The following DCTN1 variants were observed in gnomAD, a reference collection of about 807,000 sequenced individuals.
DCTN1 encodes the protein 150 kDa dynein-associated polypeptide.
DCTN1 carries 61 observed loss-of-function variants against 161.2 expected under a neutral mutation model. That is an observed-to-expected ratio of 0.38 (90% confidence interval 0.31 to 0.47). The LOEUF is 0.47. Ranked by LOEUF, DCTN1 falls within the 20% of genes least tolerant of loss-of-function variation. The pLI is 0.99. For synonymous variants in DCTN1, 653 were observed against 632.4 expected, an observed-to-expected ratio of 1.03 and a Z score of -0.49; for missense variants, 1,404 against 1,623.7, an observed-to-expected ratio of 0.86 and a Z score of 2.33.
rs61601276 is a variant in DCTN1, at chr2:74,362,206, C to T, written c.3610-65G>A. On this transcript the variant is annotated intron_variant, in intron 30 of 31. Coordinates refer to ENST00000628224, the MANE Select transcript of DCTN1 (RefSeq NM_004082.5). ...ACCCCCACAGGCTAGCACAAGACCACGTGGTTTCACAGAGACACTAATACC... is the reference window on the plus strand; with the variant it reads ...ACCCCCACAGGCTAGCACAAGACCATGTGGTTTCACAGAGACACTAATACC... 11,378 of 1,472,970 alleles carry T rather than the reference C, an allele frequency of 7.7e-3. 745 individuals are homozygous for T. The African/African-American group carries it at 0.14, about 18-fold the overall frequency. 91.2% of individuals were successfully genotyped at this position (1,472,970 alleles called of 1,614,324 possible). A position where few individuals can be genotyped will look rare whatever the true frequency, so the allele number is the denominator to read the frequency against.
At position 74,369,045 on chromosome 2, in the gene DCTN1, C is replaced by T. The variant is rs977237461; in HGVS notation, c.1701+53G>A. 8.2e-6 allele frequency: 13 copies of T among 1,590,482 alleles called. No individual in the cohort carries two copies. The highest frequency in any genetic ancestry group is 1.3e-5 in the African/African-American group (1 of 74,418). On this transcript the variant is annotated intron_variant, in intron 15 of 31. Coordinates refer to ENST00000628224, the MANE Select transcript of DCTN1 (RefSeq NM_004082.5). The surrounding 1 kb of genome is among the most constrained non-coding windows in gnomAD (Gnocchi z 4.9). Reference sequence around the variant, plus strand: ...CCCCCAGGAATCTGAAGCCCAGACCCCATACCAGTTCATCCCAGGCAGGGC... The same window carrying T: ...CCCCCAGGAATCTGAAGCCCAGACCTCATACCAGTTCATCCCAGGCAGGGC...
rs933218016 is a variant in DCTN1, at chr2:74,365,662, A to T, written c.2887-5T>A. On this transcript the variant is annotated splice_region_variant and splice_polypyrimidine_tract_variant and intron_variant, in intron 24 of 31. Transcript: ENST00000628224. ...GGCCTCACTTAGCTCCTCTCCCTGGACAAGGACAGAACTTCTAGATCCCTG... is the reference window on the plus strand; with the variant it reads ...GGCCTCACTTAGCTCCTCTCCCTGGTCAAGGACAGAACTTCTAGATCCCTG... 1.9e-6 allele frequency: 3 copies of T among 1,614,074 alleles called. No individual in the cohort carries two copies. The African/African-American group carries it at 4.0e-5, about 22-fold the overall frequency.
rs776017204 is a variant in DCTN1 at position 74,371,527 on chromosome 2, C to G, written c.645+10G>C. The G allele has an allele frequency of 9.0e-6, 14 of 1,562,198 alleles. No individual in the cohort carries two copies. Among genetic ancestry groups the G allele is most frequent in the Non-Finnish European group, 1.1e-5 (13 of 1,153,524 alleles). On this transcript the variant is annotated intron_variant, in intron 8 of 31. Transcript: ENST00000628224. ...TCTTGATTCTCCTTTACCCCTACCC[C>G]AGGCCTTACCTTGGATGGGGAAGGA...
chr2:74,376,045 G>A (rs938101180), intron 5 of DCTN1, among the ~76,000 whole-genome samples: 2 of 152,168 alleles, frequency 1.3e-5, no homozygotes, highest in Non-Finnish European at 2.9e-5. Flanking sequence ...TTGAGGAAGT[G>A]GTCATGGCAG....
At chr2:74,383,224 T>G (rs193283535), upstream of DCTN1, among the ~76,000 whole-genome samples, 62 of 152,378 alleles carry the variant, frequency 4.1e-4, no homozygotes, top group East Asian at 0.011. Flanking sequence ...CTAGCTTAGC[T>G]GAAGTAACGA....
chr2:74,368,146 A>G lies in DCTN1; in HGVS notation c.1855-15T>C, dbSNP rs1558938936. 1.3e-6 allele frequency: 2 copies of G among 1,571,832 alleles called. No individual in the cohort carries two copies. Among genetic ancestry groups the G allele is most frequent in the Non-Finnish European group, 1.7e-6 (2 of 1,157,850 alleles). ...ATCAGCTCTGCCTGTGGGAAAAAGCACCAGGAACCTGGGCCTCAGAGCAGA... is the reference window on the plus strand; with the variant it reads ...ATCAGCTCTGCCTGTGGGAAAAAGCGCCAGGAACCTGGGCCTCAGAGCAGA... On this transcript the variant is annotated splice_polypyrimidine_tract_variant and intron_variant, in intron 16 of 31. Coordinates refer to ENST00000628224, the MANE Select transcript of DCTN1 (RefSeq NM_004082.5).
intron 1 of DCTN1, 72 bp downstream of exon 1, chr2:74,379,931 CAG>C: frequency 1.3e-6 from 2 of 1,486,590 alleles, no homozygotes; most frequent in Non-Finnish European, 1.9e-6. Flanking sequence ...CCAGCCCCCA[CAG>C]CAATGATGTC....
Position 74,363,370 on chromosome 2 carries a change from G to A in DCTN1, c.3269C>T (p.Ser1090Leu). The A allele has an allele frequency of 6.2e-7, 1 of 1,612,488 alleles. No individual in the cohort carries two copies. Among genetic ancestry groups the A allele is most frequent in the Non-Finnish European group, 8.5e-7 (1 of 1,179,476 alleles). Reference protein sequence around the residue: ...SVPGPGLVKDSPLLLQQISAM... With the variant: ...SVPGPGLVKDLPLLLQQISAM... ...AGAGATCTGCTGAAGCAGCAGTGGT[G>A]AGTCCTTCACCAGCCCTGGGCCTGG... is the stretch of plus-strand genomic sequence containing the variant. Residue 1090 changes from serine (S) to leucine (L), a missense_variant, in exon 28 of 32, where the codon TCA becomes TTA. Transcript: ENST00000628224.
At chr2:74,380,401 T>G (rs189175296), upstream of DCTN1, 240 of 505,482 alleles carry the variant, frequency 4.7e-4, 3 homozygotes, top group East Asian at 0.011. Flanking sequence ...AACTAAGGGC[T>G]GGGCATACGC....
At chr2:74,390,067 C>T (rs1447482241) in intron 1 of DCTN1, among the ~76,000 whole-genome samples, 2 of 152,190 alleles carry the variant, frequency 1.3e-5, no homozygotes, top group Non-Finnish European at 1.5e-5. Context: ...CATCTCTGCA[C>T]CAGTGTCAAC....
intron 31 of DCTN1, 99 bp downstream of exon 31, chr2:74,361,953 A>T: frequency 1.5e-6 from 2 of 1,300,384 alleles, no homozygotes; most frequent in Non-Finnish European, 2.2e-6. Flanking sequence ...TGCAGTTGTT[A>T]GACCTGAGAC....
At chr2:74,371,480 G>T in intron 8 of DCTN1, 57 bp downstream of exon 8, 1 of 1,502,700 alleles carries the variant, frequency 6.7e-7, no homozygotes, top group Admixed American at 2.0e-5. Flanking sequence ...AGACACAGCG[G>T]GTAGCCACAA....
Position 74,371,680 on chromosome 2 carries a change from C to A in DCTN1, c.502G>T (p.Gly168Cys). The A allele has an allele frequency of 6.2e-7, 1 of 1,605,362 alleles. No homozygotes were observed. Among genetic ancestry groups the A allele is most frequent in the Non-Finnish European group, 8.5e-7 (1 of 1,177,184 alleles). The change falls in exon 8 of 32, where the codon GGC (glycine) becomes TGC (cysteine). Residue 168 changes from glycine (G) to cysteine (C), a missense_variant. By Grantham distance (159) the Gly-to-Cys change is radical (BLOSUM62 -3). This residue lies in a region of DCTN1 where 174 missense variants were observed against 175.6 expected (regional missense o/e 0.99). Transcript: ENST00000628224. Reference sequence around the variant, plus strand: ...CCTGCTGACGCTGAGCCAGAGGGGCCCAGGGAGCTACTGGCCCCAGCCACC... The same window carrying A: ...CCTGCTGACGCTGAGCCAGAGGGGCACAGGGAGCTACTGGCCCCAGCCACC... ...TGVAGASSSL[G>C]PSGSASAGEL...
At chr2:74,384,715 G>C (rs184201228), upstream of DCTN1, among the ~76,000 whole-genome samples, 13 of 152,280 alleles carry the variant, frequency 8.5e-5, no homozygotes, top group Non-Finnish European at 1.8e-4. Context: ...TGGCACCCCA[G>C]CATCCTTTGA....
At chr2:74,373,034 G>A (rs1674981772) in intron 6 of DCTN1, 86 bp from the exon 7 acceptor site, 1 of 1,265,104 alleles carries the variant, frequency 7.9e-7, no homozygotes, top group Non-Finnish European at 1.1e-6. Context: ...GGACAGCAAT[G>A]AGAGCAGAAG....
intron 29 of DCTN1, 85 bp downstream of exon 29, chr2:74,362,909 G>T (rs1343752917): frequency 6.7e-7 from 1 of 1,492,564 alleles, no homozygotes; most frequent in East Asian, 2.3e-5. Context: ...CTTCTGTGGT[G>T]GGGGAACCAC....
chr2:74,391,843 C>A (rs1676023186), exon 1 of DCTN1: 2 of 453,794 alleles, frequency 4.4e-6, no homozygotes, highest in Non-Finnish European at 8.8e-6. Flanking sequence ...CGACGACCGA[C>A]GCCCAAGACC....
chr2:74,369,010 AG>A lies in DCTN1; in HGVS notation c.1701+87del. The A allele has an allele frequency of 6.4e-7, 1 of 1,562,226 alleles. No homozygotes were observed. The highest frequency in any genetic ancestry group is 1.1e-5 in the South Asian group (1 of 90,002). ...CAGAGTCTTCCAAACCACCACACAA[AG>A]CACCCCTTCCCCCAGGAATCTGAAG... On this transcript the variant is annotated intron_variant, in intron 15 of 31. Coordinates refer to ENST00000628224, the MANE Select transcript of DCTN1 (RefSeq NM_004082.5). This position sits in a 1 kb window ranked among gnomAD's most constrained non-coding sequence, Gnocchi z 4.9.
chr2:74,390,402 A>G (rs576557335), intron 1 of DCTN1, among the ~76,000 whole-genome samples: 5 of 152,218 alleles, frequency 3.3e-5, no homozygotes, highest in Non-Finnish European at 7.3e-5. Flanking sequence ...CAAGAATAAA[A>G]TGGGATGCCC....
Sources: gnomAD v4.1 joint callset for allele counts (sites outside exome capture counted in the v4.1 genomes callset) on GRCh38, gnomAD v4.1.1 for gene constraint, gnomAD v4.1.1 regional missense constraint, Gnocchi (gnomAD v3.1) non-coding constraint, MANE v1.5 for transcripts, NCBI Gene and HGNC (gene_info 2026-07-23, HGNC 2026-07-21) for gene names.